C8B: variants seen among roughly 807,000 people sequenced by gnomAD.
C8B encodes the protein complement C8 beta chain.
C8B carries 67 observed loss-of-function variants against 64.6 expected under a neutral mutation model. The ratio of observed to expected loss-of-function variants is 1.04; its 90% CI spans 0.85 to 1.27. The LOEUF (loss-of-function observed/expected upper bound fraction) is 1.27, where lower values mean the gene tolerates loss of function less well. Ranked by LOEUF, C8B falls within the 50% of genes most tolerant of loss-of-function variation. C8B has a pLI of 0.00. For synonymous variants in C8B, 284 were observed against 257.7 expected, an observed-to-expected ratio of 1.10 and a Z score of -0.98; for missense variants, 790 against 725.2, an observed-to-expected ratio of 1.09 and a Z score of -1.03.
At chr1:56,935,682 G>T (rs1001365117) in intron 9 of C8B, among the ~76,000 whole-genome samples, 1 of 152,140 alleles carries the variant, frequency 6.6e-6, no homozygotes, top group Non-Finnish European at 1.5e-5. Context: ...TTATGAGTTC[G>T]TTAGTCTTTT....
Position 56,940,909 on chromosome 1 carries a change from C to G in C8B, c.1338G>C (p.Ala446=). The G allele has an allele frequency of 1.2e-6, 2 of 1,614,068 alleles. No homozygotes were observed. The highest frequency in any genetic ancestry group is 1.7e-6 in the Non-Finnish European group (2 of 1,180,020). ...TTLAYQELPT[A]DLMQEWGDAV... Reference sequence around the variant, plus strand: ...CGTCTCCCCACTCCTGCATCAGGTCCGCCGTCGGCAGCTCCTGGTATGCCA... The same window carrying G: ...CGTCTCCCCACTCCTGCATCAGGTCGGCCGTCGGCAGCTCCTGGTATGCCA... Residue 446 remains alanine, a synonymous_variant, in exon 9 of 12, where the codon GCG becomes GCC. Coordinates refer to ENST00000371237, the MANE Select transcript of C8B (RefSeq NM_000066.4).
intron 11 of C8B, 62 bp downstream of exon 11, chr1:56,931,748 T>TG (rs1179256759): frequency 2.6e-6 from 3 of 1,153,226 alleles, no homozygotes; most frequent in Non-Finnish European, 3.9e-6. Context: ...ACCAGCTCCT[T>TG]GCTCTTCTTC....
chr1:56,963,743 T>C lies in C8B; in HGVS notation c.92+2114A>G, dbSNP rs1645212362. 1.1e-5 allele frequency: 5 copies of C among 440,138 alleles called. No individual in the cohort carries two copies. The South Asian group carries it at 3.8e-4, about 34-fold the overall frequency. 27.3% of individuals were successfully genotyped at this position (440,138 alleles called of 1,614,324 possible). ...GACACTTATGTTTTCTGTTTCCCTC[T>C]CTGTGAAACTGTAAACAGTAGCACT... On this transcript the variant is annotated intron_variant, in intron 1 of 11. Transcript: ENST00000371237.
At chr1:56,957,948 G>C (rs1645125735) in intron 2 of C8B, among the ~76,000 whole-genome samples, 1 of 151,824 alleles carries the variant, frequency 6.6e-6, no homozygotes, top group Non-Finnish European at 1.5e-5. Flanking sequence ...TGTCTGACAG[G>C]TGTGAAGAAC....
Position 56,949,617 on chromosome 1 carries a change from T to A in C8B, c.802A>T (p.Ile268Phe). 1 of 1,614,108 alleles carries A rather than the reference T, an allele frequency of 6.2e-7. No homozygotes were observed. The highest frequency in any genetic ancestry group is 8.5e-7 in the Non-Finnish European group (1 of 1,179,982). ...FKIPGIFELG[I>F]SSQSDRGKHY... ...TTGCCTCGATCACTTTGACTACTGA[T>A]GCCAAGTTCAAATATTCCAGGTATT... is the stretch of plus-strand genomic sequence containing the variant. Residue 268 changes from isoleucine to phenylalanine, a missense_variant, in exon 6 of 12, where the codon ATC (isoleucine) becomes TTC (phenylalanine). Ile to Phe is a conservative substitution (Grantham distance 21, BLOSUM62 0). Coordinates refer to ENST00000371237, the MANE Select transcript of C8B (RefSeq NM_000066.4).
chr1:56,937,172 T>G (rs779536243), intron 9 of C8B, among the ~76,000 whole-genome samples: 77 of 152,202 alleles, frequency 5.1e-4, no homozygotes, highest in Non-Finnish European at 4.0e-4. Flanking sequence ...ATGTGACTTG[T>G]TTTGACCAGT....
At chr1:56,940,104 T>C (rs1363139954) in intron 9 of C8B, among the ~76,000 whole-genome samples, 1 of 152,144 alleles carries the variant, frequency 6.6e-6, no homozygotes. Flanking sequence ...GTACCTTACT[T>C]CCTGTAGCAT....
chr1:56,951,300 C>T (rs1175107084), intron 5 of C8B, among the ~76,000 whole-genome samples: 1 of 152,110 alleles, frequency 6.6e-6, no homozygotes, highest in African/African-American at 2.4e-5. Flanking sequence ...CTAGTCTCGT[C>T]CCCCAGTTTC....
At position 56,943,783 on chromosome 1, in the gene C8B, A is replaced by G. The variant is rs776255858; in HGVS notation, c.1147T>C (p.Phe383Leu). 2 of 1,614,182 alleles carry G rather than the reference A, an allele frequency of 1.2e-6. No homozygotes were observed. Among genetic ancestry groups the G allele is most frequent in the South Asian group, 2.2e-5 (2 of 91,084 alleles). ...NNVHACAKND[F>L]KIGGAIEEVY... ...TCTTCAATGGCACCACCAATTTTAA[A>G]ATCATTTTTGGCACAGGCATGGACG... The change falls in exon 8 of 12, where the codon TTT becomes CTT. Residue 383 changes from phenylalanine (F) to leucine (L), a missense_variant. Phe to Leu is a conservative substitution (Grantham distance 22, BLOSUM62 0). Transcript: ENST00000371237.
At chr1:56,940,759 G>T in intron 9 of C8B, 90 bp downstream of exon 9, 1 of 1,462,344 alleles carries the variant, frequency 6.8e-7, no homozygotes, top group Non-Finnish European at 9.6e-7. Flanking sequence ...GGGTCTTAGT[G>T]ATCTCTGCAT....
intron 1 of C8B, 26 bp downstream of exon 1, chr1:56,965,831 G>A: frequency 1.2e-6 from 2 of 1,613,064 alleles, no homozygotes. Context: ...TTATTGATCA[G>A]GGAATTATTG....
chr1:56,959,572 A>G, intron 2 of C8B: 1 of 1,535,174 alleles, frequency 6.5e-7, no homozygotes, highest in Non-Finnish European at 8.7e-7. Flanking sequence ...AGTGAAGGCC[A>G]GAGTCATACA....
intron 2 of C8B, chr1:56,959,567 A>C (rs535569302): frequency 6.5e-7 from 1 of 1,534,756 alleles, no homozygotes; most frequent in East Asian, 2.4e-5. Flanking sequence ...GAGAGAGTGA[A>C]GGCCAGAGTC....
intron 1 of C8B, among the ~76,000 whole-genome samples, chr1:56,961,286 A>C (rs922080564): frequency 6.6e-6 from 1 of 152,256 alleles, no homozygotes; most frequent in Non-Finnish European, 1.5e-5. Context: ...ATGGGAAGAC[A>C]AAAGGAATGG....
In C8B at chr1:56,933,643, C is replaced by T. The variant is rs968805305; in HGVS notation, c.1399-155G>A. 2.6e-5 allele frequency among the ~76,000 whole-genome samples: 4 copies of T among 152,172 alleles called. No individual in the cohort carries two copies. In the East Asian group the frequency reaches 7.7e-4, roughly 29 times the overall value. On this transcript the variant is annotated intron_variant, in intron 9 of 11. Coordinates refer to ENST00000371237, the MANE Select transcript of C8B (RefSeq NM_000066.4). ...GGATCTCCCATCTTCTCTCTGCTTC[C>T]CCTTACCCGATATACACAAATTAGC...
intron 10 of C8B, among the ~76,000 whole-genome samples, chr1:56,932,723 C>T (rs764427518): frequency 8.5e-5 from 13 of 152,184 alleles, no homozygotes; most frequent in Non-Finnish European, 1.5e-4. Context: ...CCTGAGAATA[C>T]ACCTTCTTCT....
intron 5 of C8B, among the ~76,000 whole-genome samples, chr1:56,950,948 T>A (rs549431066): frequency 7.2e-4 from 110 of 152,220 alleles, no homozygotes; most frequent in Non-Finnish European, 1.2e-3. Flanking sequence ...AAATTAGAGG[T>A]TTTGAGGATG....
chr1:56,959,162 G>A (rs1645142307), intron 2 of C8B, among the ~76,000 whole-genome samples: 1 of 152,202 alleles, frequency 6.6e-6, no homozygotes, highest in Non-Finnish European at 1.5e-5. Flanking sequence ...CTGTTTAACA[G>A]AAAGTGTAAC....
In C8B at chr1:56,959,717, C is replaced by A. The variant is rs1362307316; in HGVS notation, c.249+303G>T. The A allele has an allele frequency of 4.0e-6, 4 of 998,166 alleles. No individual in the cohort carries two copies. In the South Asian group the frequency reaches 4.7e-5, roughly 12 times the overall value. The allele number at this position is 998,166 out of a possible 1,614,324, so 61.8% of individuals were successfully genotyped here. On this transcript the variant is annotated intron_variant, in intron 2 of 11. Transcript: ENST00000371237. Reference sequence around the variant, plus strand: ...AGTGGGCAAAGACAACTCAGACATACACTATGATTGCTTCCCCTGTTTCAT... The same window carrying A: ...AGTGGGCAAAGACAACTCAGACATAAACTATGATTGCTTCCCCTGTTTCAT...
Sources: allele counts gnomAD v4.1 joint callset (sites outside exome capture counted in the v4.1 genomes callset), GRCh38; gene constraint gnomAD v4.1.1; transcripts MANE v1.5; gene names NCBI Gene and HGNC (gene_info 2026-07-23, HGNC 2026-07-21).